RBKS: variants seen among roughly 807,000 people sequenced by gnomAD.
The protein encoded by RBKS is ribokinase.
In RBKS, 33 loss-of-function variants were observed where a neutral mutation model predicts 33.9. That is an observed-to-expected ratio of 0.97 (90% CI 0.74 to 1.30). RBKS has a LOEUF of 1.30. Ranked by LOEUF, RBKS falls within the 50% of genes most tolerant of loss-of-function variation. The pLI is 0.00. For synonymous variants in RBKS, 125 were observed against 143.0 expected (o/e 0.87, Z 0.90); for missense variants, 361 against 392.6 (o/e 0.92, Z 0.68).
At chr2:27,829,055 C>T (rs1333156908) in intron 6 of RBKS, among the ~76,000 whole-genome samples, 1 of 152,064 alleles carries the variant, frequency 6.6e-6, no homozygotes, top group Non-Finnish European at 1.5e-5. Context: ...CCACACACAG[C>T]TAATCTTTTA....
Position 27,864,205 on chromosome 2 carries a change from T to C in RBKS, c.90-5634A>G, listed in dbSNP as rs910353836. 2.0e-5 allele frequency among the ~76,000 whole-genome samples: 3 copies of C among 152,042 alleles called. No homozygotes were observed. In the East Asian group the frequency reaches 5.8e-4, roughly 29 times the overall value. On this transcript the variant is annotated intron_variant, in intron 1 of 7. Transcript: ENST00000302188. The stretch of plus-strand genomic sequence containing the variant: ...CCATGCCCAACTAATTTTTTTTTTG[T>C]AGAAATGGGGTCTCGCTATGTTGCC...
At chr2:27,794,769 G>GT (rs1177887612) in intron 7 of RBKS, among the ~76,000 whole-genome samples, 6 of 151,916 alleles carry the variant, frequency 3.9e-5, no homozygotes, top group Admixed American at 3.9e-4. Flanking sequence ...GATTACAAGC[G>GT]TGTGTCACCA....
chr2:27,866,567 C>T (rs1664104801), intron 1 of RBKS, among the ~76,000 whole-genome samples: 1 of 152,172 alleles, frequency 6.6e-6, no homozygotes, highest in South Asian at 2.1e-4. Context: ...AGGTCACAGA[C>T]ACTGTGCATT....
rs1664690420 is a variant in RBKS at position 27,890,071 on chromosome 2, C to T, written c.89+186G>A. On this transcript the variant is annotated intron_variant, in intron 1 of 7. Coordinates refer to ENST00000302188, the MANE Select transcript of RBKS (RefSeq NM_022128.3). This position sits in a 1 kb window ranked among gnomAD's most constrained non-coding sequence, Gnocchi z 4.8. The stretch of plus-strand genomic sequence containing the variant: ...ATTACGTCCCCTCCCCTGAGATTTA[C>T]CTTTATATACTCAAGTTCTTTCATG... 1 of 580,054 alleles carries T rather than the reference C, an allele frequency of 1.7e-6. No homozygotes were observed. The highest frequency in any genetic ancestry group is 2.1e-5 in the South Asian group (1 of 47,566). The allele number at this position is 580,054 out of a possible 1,614,324, so 35.9% of individuals were successfully genotyped here.
chr2:27,800,760 T>TTC (rs1677761383), intron 7 of RBKS, among the ~76,000 whole-genome samples: 1 of 152,104 alleles, frequency 6.6e-6, no homozygotes, highest in Non-Finnish European at 1.5e-5. Context: ...AGTAGAAGGA[T>TTC]AAAGGCATCC....
intron 4 of RBKS, among the ~76,000 whole-genome samples, chr2:27,844,579 TA>T (rs1663584065): frequency 6.6e-6 from 1 of 151,776 alleles, no homozygotes; most frequent in African/African-American, 2.4e-5. Flanking sequence ...GCATTTTTAG[TA>T]GAGATGGGGT....
intron 7 of RBKS, among the ~76,000 whole-genome samples, chr2:27,808,151 G>A (rs1193796944): frequency 6.6e-6 from 1 of 152,202 alleles, no homozygotes; most frequent in Non-Finnish European, 1.5e-5. Flanking sequence ...AAGCGGTTGA[G>A]TGCAAAATCA....
chr2:27,843,293 A>G, intron 4 of RBKS, 62 bp from the exon 5 acceptor site: 1 of 1,285,442 alleles, frequency 7.8e-7, no homozygotes, highest in Non-Finnish European at 1.1e-6. Flanking sequence ...GATATTCTGC[A>G]GTGTTATGAA....
At chr2:27,869,888 CTTTTGG>C (rs1202059472) in intron 1 of RBKS, 1 of 152,476 alleles carries the variant, frequency 6.6e-6, no homozygotes, top group Non-Finnish European at 1.5e-5. Context: ...CTTTTCAGTG[CTTTTGG>C]GGCAGTCTCT....
intron 1 of RBKS, among the ~76,000 whole-genome samples, chr2:27,882,019 G>A (rs1472682156): frequency 6.6e-6 from 1 of 152,050 alleles, no homozygotes; most frequent in Admixed American, 6.6e-5. Context: ...AAAATTTCAT[G>A]GCAAAATGCC....
In RBKS at chr2:27,819,371, T is replaced by C. The variant is rs74903732; in HGVS notation, c.795+8196A>G. On this transcript the variant is annotated intron_variant, in intron 7 of 7. Coordinates refer to ENST00000302188, the MANE Select transcript of RBKS (RefSeq NM_022128.3). ...CCCTTATGACCTCATTTAACCATAA[T>C]TACTTTCTTTTCCTATCTCCAAATA... Among the ~76,000 whole-genome samples, 578 of 152,278 alleles carry C rather than the reference T, an allele frequency of 3.8e-3. 1 individual carries two copies. The highest frequency in any genetic ancestry group is 5.2e-3 in the Non-Finnish European group (353 of 68,020).
chr2:27,818,690 G>C (rs1678143938), intron 7 of RBKS, among the ~76,000 whole-genome samples: 1 of 152,168 alleles, frequency 6.6e-6, no homozygotes, highest in Admixed American at 6.5e-5. Context: ...GTGGTGCCCA[G>C]CTTTTATTAT....
At position 27,781,410 on chromosome 2, in the gene RBKS, C is replaced by G. The variant is rs994960007; in HGVS notation, c.*205G>C. The G allele has an allele frequency of 1.3e-5, 7 of 525,240 alleles. No individual in the cohort carries two copies. The African/African-American group carries it at 1.4e-4, about 10-fold the overall frequency. The allele number at this position is 525,240 out of a possible 1,614,324, so 32.5% of individuals were successfully genotyped here. ...TTTGTACAGATCTTGGTTGTGGAAT[C>G]TTTAATTCTGGTTGTTTTGTGCAAA... On this transcript the variant is annotated 3_prime_UTR_variant, in exon 8 of 8. Coordinates refer to ENST00000302188, the MANE Select transcript of RBKS (RefSeq NM_022128.3).
chr2:27,882,463 T>C (rs1282359991), intron 1 of RBKS, among the ~76,000 whole-genome samples: 1 of 152,210 alleles, frequency 6.6e-6, no homozygotes, highest in African/African-American at 2.4e-5. Context: ...AAAGGAATGC[T>C]TATACACTGT....
At chr2:27,883,542 T>G (rs1205871015) in intron 1 of RBKS, among the ~76,000 whole-genome samples, 1 of 152,136 alleles carries the variant, frequency 6.6e-6, no homozygotes, top group Non-Finnish European at 1.5e-5. Context: ...TATAAGTATT[T>G]CAGCATTATA....
intron 1 of RBKS, among the ~76,000 whole-genome samples, chr2:27,863,271 G>GC (rs1357718071): frequency 6.6e-6 from 1 of 152,152 alleles, no homozygotes; most frequent in Non-Finnish European, 1.5e-5. Flanking sequence ...TTCATACATG[G>GC]CCCCAGTCTT....
chr2:27,797,703 T>C (rs1394723459), intron 7 of RBKS, among the ~76,000 whole-genome samples: 1 of 152,078 alleles, frequency 6.6e-6, no homozygotes, highest in African/African-American at 2.4e-5. Flanking sequence ...GCAGAGAACA[T>C]GAACTAGCGT....
Position 27,781,667 on chromosome 2 carries a change from C to A in RBKS, c.917G>T (p.Gly306Val). ...TTTGTAAGGGTAAGATGACTGTGTT[C>A]CTGCAGCCTGGACACTGACTGCTGC... The part of the protein sequence containing the change: ...FIAAVSVQAA[G>V]TQSSYPYKKD... The change falls in exon 8 of 8, where the codon GGA becomes GTA. Residue 306 changes from glycine to valine, a missense_variant. Coordinates refer to ENST00000302188, the MANE Select transcript of RBKS (RefSeq NM_022128.3). 6.2e-7 allele frequency: 1 copy of A among 1,613,982 alleles called. No individual in the cohort carries two copies. The highest frequency in any genetic ancestry group is 2.2e-5 in the East Asian group (1 of 44,874).
chr2:27,846,682 A>C (rs553589065), intron 4 of RBKS, among the ~76,000 whole-genome samples: 1 of 152,358 alleles, frequency 6.6e-6, no homozygotes, highest in African/African-American at 2.4e-5. Flanking sequence ...ACATATACTT[A>C]CCTAGTGTAA....
Sources: gnomAD v4.1 joint callset for allele counts (sites outside exome capture counted in the v4.1 genomes callset) on GRCh38, gnomAD v4.1.1 for gene constraint, Gnocchi (gnomAD v3.1) non-coding constraint, MANE v1.5 for transcripts, NCBI Gene and HGNC (gene_info 2026-07-23, HGNC 2026-07-21) for gene names.